VAT1L: variants seen among roughly 807,000 people sequenced by gnomAD.
VAT1L encodes putative NADPH-dependent quinone oxidoreductase VAT1L.
Under a neutral mutation model 44.1 loss-of-function variants are expected in VAT1L, and 34 were observed. The observed-to-expected ratio is 0.77, with a 90% CI of 0.59 to 1.03. VAT1L has a LOEUF of 1.03. VAT1L is among the 50% of genes least tolerant of loss of function. The pLI is 0.00. For missense variants in VAT1L, 615 were observed against 538.8 expected, an observed-to-expected ratio of 1.14 and a Z score of -1.40; for synonymous variants, 253 against 202.2, an observed-to-expected ratio of 1.25 and a Z score of -2.13.
intron 8 of VAT1L, among the ~76,000 whole-genome samples, chr16:77,975,526 C>T (rs2018329668): frequency 2.0e-5 from 3 of 152,076 alleles, no homozygotes; most frequent in African/African-American, 4.8e-5. Flanking sequence ...CCAGTCTCAG[C>T]CCTCACTCAG....
chr16:77,872,730 T>C (rs954148814), intron 4 of VAT1L, among the ~76,000 whole-genome samples: 12 of 152,212 alleles, frequency 7.9e-5, no homozygotes, highest in African/African-American at 1.4e-4. Flanking sequence ...AGTTGCTCTA[T>C]TGGAGCAGTG....
In VAT1L at chr16:77,788,702, A is replaced by G; in HGVS notation, c.20A>G (p.Glu7Gly). ...AGCGCCATGGCCAAGGAAGGCGTGG[A>G]GAAGGCGGAGGAGACGGAGCAAATG... MAKEGV[E>G]KAEETEQMIE... Residue 7 changes from glutamate (E) to glycine (G), a missense_variant, in exon 1 of 9, where the codon GAG becomes GGG. Coordinates refer to ENST00000302536, the MANE Select transcript of VAT1L (RefSeq NM_020927.3). The G allele has an allele frequency of 6.4e-7, 1 of 1,552,494 alleles. No individual in the cohort carries two copies. Among genetic ancestry groups the G allele is most frequent in the South Asian group, 1.2e-5 (1 of 84,226 alleles).
chr16:77,864,421 G>A (rs555498787), intron 4 of VAT1L, among the ~76,000 whole-genome samples: 1 of 151,632 alleles, frequency 6.6e-6, no homozygotes, highest in Admixed American at 6.6e-5. Context: ...AGTGAAGCTC[G>A]ATCTCTACCT....
At chr16:77,796,368 C>G (rs2015934017) in intron 1 of VAT1L, among the ~76,000 whole-genome samples, 1 of 152,150 alleles carries the variant, frequency 6.6e-6, no homozygotes, top group Non-Finnish European at 1.5e-5. Context: ...TGTACCTCAG[C>G]TTTTCATCTG....
intron 7 of VAT1L, among the ~76,000 whole-genome samples, chr16:77,895,909 G>A (rs995804328): frequency 3.3e-5 from 5 of 152,170 alleles, no homozygotes; most frequent in East Asian, 1.9e-4. Flanking sequence ...AGCAGGGAAC[G>A]AAGCCTGGAG....
At chr16:77,789,653 A>G (rs1456615351) in intron 1 of VAT1L, among the ~76,000 whole-genome samples, 1 of 151,774 alleles carries the variant, frequency 6.6e-6, no homozygotes, top group Non-Finnish European at 1.5e-5. Context: ...CTGCAGCGCA[A>G]CCCCCTCCAT....
At chr16:77,819,715 T>G (rs2016418620) in intron 2 of VAT1L, among the ~76,000 whole-genome samples, 1 of 152,188 alleles carries the variant, frequency 6.6e-6, no homozygotes. Context: ...CACTAATTGG[T>G]CTTCACCCCT....
chr16:77,963,432 C>T (rs1484671494), intron 7 of VAT1L, among the ~76,000 whole-genome samples: 1 of 152,048 alleles, frequency 6.6e-6, no homozygotes, highest in Non-Finnish European at 1.5e-5. Flanking sequence ...CAAATTCCTC[C>T]CTGGAAACAA....
At chr16:77,924,673 G>A (rs746366624) in intron 7 of VAT1L, among the ~76,000 whole-genome samples, 1 of 152,112 alleles carries the variant, frequency 6.6e-6, no homozygotes, top group African/African-American at 2.4e-5. Context: ...TGTTGGCCAG[G>A]CTGGTCTTGA....
chr16:77,830,459 A>T (rs549071925), intron 3 of VAT1L, among the ~76,000 whole-genome samples: 20 of 152,292 alleles, frequency 1.3e-4, no homozygotes, highest in Admixed American at 1.3e-4. Flanking sequence ...TATGGCTCCC[A>T]TAATTCCCAC....
chr16:77,789,048 T>C, intron 1 of VAT1L, 133 bp downstream of exon 1: 2 of 1,078,774 alleles, frequency 1.9e-6, no homozygotes, highest in Non-Finnish European at 2.5e-6. Flanking sequence ...CTCACCCGGG[T>C]CTCAGAGCCT....
chr16:77,876,830 A>T (rs1003446527), intron 5 of VAT1L, among the ~76,000 whole-genome samples: 1 of 152,216 alleles, frequency 6.6e-6, no homozygotes, highest in African/African-American at 2.4e-5. Context: ...AAGGACCCAC[A>T]GTAGGATGGG....
At chr16:77,935,142 A>G (rs981977333) in intron 7 of VAT1L, among the ~76,000 whole-genome samples, 1 of 152,174 alleles carries the variant, frequency 6.6e-6, no homozygotes, top group Admixed American at 6.5e-5. Flanking sequence ...AACCAGCAAA[A>G]TGATTTACAG....
At chr16:77,976,695 G>C (rs1336051954) in intron 8 of VAT1L, among the ~76,000 whole-genome samples, 1 of 152,146 alleles carries the variant, frequency 6.6e-6, no homozygotes, top group Non-Finnish European at 1.5e-5. Flanking sequence ...CCCTTTGCTA[G>C]ACTCTTTAGA....
chr16:77,897,879 T>C (rs1449982500), intron 7 of VAT1L, among the ~76,000 whole-genome samples: 1 of 152,188 alleles, frequency 6.6e-6, no homozygotes, highest in African/African-American at 2.4e-5. Context: ...CAGCTGACTT[T>C]ATTTCCCAAA....
intron 5 of VAT1L, among the ~76,000 whole-genome samples, chr16:77,877,661 G>A (rs1051224535): frequency 6.6e-6 from 1 of 152,018 alleles, no homozygotes; most frequent in East Asian, 1.9e-4. Flanking sequence ...TCCCCTGTAG[G>A]TACAATAGAA....
At chr16:77,792,743 C>T (rs2015856912) in intron 1 of VAT1L, among the ~76,000 whole-genome samples, 1 of 152,172 alleles carries the variant, frequency 6.6e-6, no homozygotes. Context: ...GTACAAACCA[C>T]GCCTTCTGGT....
rs148005992 is a variant in VAT1L, at chr16:77,812,447, A to G, written c.234-4474A>G. On this transcript the variant is annotated intron_variant, in intron 1 of 8. Coordinates refer to ENST00000302536, the MANE Select transcript of VAT1L (RefSeq NM_020927.3). ...GATTTCATGGTGTTATGGGATACAC[A>G]ATAAGGAAGGAGTTGGAAGACCTTT... Among the ~76,000 whole-genome samples the G allele has an allele frequency of 6.4e-4, 98 of 152,282 alleles. 1 individual carries two copies. The highest frequency in any genetic ancestry group is 2.2e-3 in the African/African-American group (91 of 41,558).
chr16:77,911,799 C>T (rs2017502408), intron 7 of VAT1L, among the ~76,000 whole-genome samples: 1 of 152,170 alleles, frequency 6.6e-6, no homozygotes, highest in African/African-American at 2.4e-5. Flanking sequence ...GGTCAGCTGT[C>T]CTCACTCCCC....
Sources: gnomAD v4.1 joint callset for allele counts (sites outside exome capture counted in the v4.1 genomes callset) on GRCh38, gnomAD v4.1.1 for gene constraint, MANE v1.5 for transcripts, NCBI Gene and HGNC (gene_info 2026-07-23, HGNC 2026-07-21) for gene names.